RBL1: variants seen among roughly 807,000 people sequenced by gnomAD.
RBL1 encodes RB transcriptional corepressor like 1.
A neutral mutation model predicts 123.0 loss-of-function variants in RBL1; 82 were observed. That is an observed-to-expected ratio of 0.67 (90% CI 0.56 to 0.80). RBL1 has a LOEUF of 0.80. Among genes scored for constraint, RBL1 ranks in the 30% least tolerant of loss-of-function variants. The pLI is 0.00. For missense variants in RBL1, 1,171 were observed against 1,299.6 expected (o/e 0.90, Z 1.52); for synonymous variants, 405 against 441.3 (o/e 0.92, Z 1.03).
chr20:36,999,449 T>C (rs939821866), intron 21 of RBL1, among the ~76,000 whole-genome samples: 83 of 132,184 alleles, frequency 6.3e-4, no homozygotes, highest in Non-Finnish European at 1.2e-3. Flanking sequence ...CTCTCCCTCC[T>C]CTCCCTCCCT....
chr20:37,010,874 G>T (rs188977443), intron 19 of RBL1, among the ~76,000 whole-genome samples: 1 of 152,172 alleles, frequency 6.6e-6, no homozygotes, highest in East Asian at 1.9e-4. Context: ...GAAGTGCAGT[G>T]GTGCAATCAT....
rs1372104239 is a variant in RBL1 at position 37,006,861 on chromosome 20, C to CA, written c.2871+549dup. ...CTCAAAAAAAAAAAAAAAAAGAAAACAAAAAAAACAAATTAGTTGTTTTAA... is the reference window on the plus strand; with the variant it reads ...CTCAAAAAAAAAAAAAAAAAGAAAACAAAAAAAAACAAATTAGTTGTTTTAA... On this transcript the variant is annotated intron_variant, in intron 20 of 21. Coordinates refer to ENST00000373664, the MANE Select transcript of RBL1 (RefSeq NM_002895.5). 5.4e-3 allele frequency among the ~76,000 whole-genome samples: 769 copies of CA among 142,398 alleles called. 7 individuals are homozygous for CA. The highest frequency in any genetic ancestry group is 0.019 in the African/African-American group (725 of 39,090). The allele number at this position is 142,398 out of a possible 152,430, so 93.4% of individuals were successfully genotyped here. A position where few individuals can be genotyped will look rare whatever the true frequency, so the allele number is the denominator to read the frequency against.
rs1181075512 is a variant in RBL1 at position 37,007,458 on chromosome 20, C to G, written c.2824G>C (p.Val942Leu). The G allele has an allele frequency of 6.2e-7, 1 of 1,613,910 alleles. No individual in the cohort carries two copies. The highest frequency in any genetic ancestry group is 8.5e-7 in the Non-Finnish European group (1 of 1,179,894). Residue 942 changes from valine to leucine, a missense_variant, in exon 20 of 22, where the codon GTG becomes CTG. Val to Leu is a conservative substitution (Grantham distance 32). Coordinates refer to ENST00000373664, the MANE Select transcript of RBL1 (RefSeq NM_002895.5). ...KFYNTIYVGRVKSFALKYDLA... is the reference protein window; with the variant it reads ...KFYNTIYVGRLKSFALKYDLA... ...TCGTATTTCAGTGCAAATGACTTCACTCTTCCTACATATATTGTATTGTAA... is the reference window on the plus strand; with the variant it reads ...TCGTATTTCAGTGCAAATGACTTCAGTCTTCCTACATATATTGTATTGTAA...
Position 36,998,862 on chromosome 20 carries a change from A to G in RBL1, c.3104T>C (p.Ile1035Thr), listed in dbSNP as rs761259890. 6.2e-7 allele frequency: 1 copy of G among 1,613,308 alleles called. No homozygotes were observed. The highest frequency in any genetic ancestry group is 1.1e-5 in the South Asian group (1 of 91,058). The change falls in exon 22 of 22, where the codon ATC (isoleucine) becomes ACC (threonine). Residue 1035 changes from isoleucine to threonine, a missense_variant. By Grantham distance (89) the Ile-to-Thr change is moderately conservative. Coordinates refer to ENST00000373664, the MANE Select transcript of RBL1 (RefSeq NM_002895.5). ...EQRTKKRVIA[I>T]DSDAESPAKR... Reference sequence around the variant, plus strand: ...GGCAGGGGATTCTGCATCACTATCGATGGCTATTACTCGCTTCTTGGTTCT... The same window carrying G: ...GGCAGGGGATTCTGCATCACTATCGGTGGCTATTACTCGCTTCTTGGTTCT...
At chr20:37,090,159 ATAGTTGCC>A (rs1324816001) in intron 1 of RBL1, among the ~76,000 whole-genome samples, 1 of 152,226 alleles carries the variant, frequency 6.6e-6, no homozygotes, top group Non-Finnish European at 1.5e-5. Flanking sequence ...ACTCACCATT[ATAGTTGCC>A]TATAGTGTTC....
At chr20:37,004,858 C>T (rs929275818) in intron 20 of RBL1, among the ~76,000 whole-genome samples, 5 of 150,770 alleles carry the variant, frequency 3.3e-5, no homozygotes, top group Admixed American at 6.6e-5. Flanking sequence ...TGAAACCCCA[C>T]TTCAGCCTCC....
At chr20:37,095,710 G>A (rs2065725095) in intron 1 of RBL1, 63 bp downstream of exon 1, 6 of 1,425,758 alleles carry the variant, frequency 4.2e-6, no homozygotes, top group East Asian at 2.5e-5. Flanking sequence ...GCCGAGGAAG[G>A]GGCGGGGCAG....
rs561617637 is a variant in RBL1, at chr20:37,009,952, G to T, written c.2723-2393C>A. 1.4e-3 allele frequency among the ~76,000 whole-genome samples: 219 copies of T among 151,974 alleles called. 1 individual carries two copies. Among genetic ancestry groups the T allele is most frequent in the African/African-American group, 5.1e-3 (211 of 41,474 alleles). On this transcript the variant is annotated intron_variant, in intron 19 of 21. Transcript: ENST00000373664. ...AGATGACAGGATCGCTTGAACCCAG[G>T]AAATCAAGGTTGCAGTGAGCTATGA...
At chr20:37,083,621 C>A (rs1600602965) in intron 2 of RBL1, among the ~76,000 whole-genome samples, 1 of 17,318 alleles carries the variant, frequency 5.8e-5, no homozygotes. Context: ...CCCGTCTCTA[C>A]TAAAAATACA....
chr20:37,091,644 T>G (rs2065647906), intron 1 of RBL1, among the ~76,000 whole-genome samples: 1 of 135,054 alleles, frequency 7.4e-6, no homozygotes, highest in African/African-American at 2.9e-5. Flanking sequence ...CCAGCAAGGG[T>G]GAAAGAACGA....
chr20:37,015,580 G>A (rs1225722348), intron 19 of RBL1, among the ~76,000 whole-genome samples: 4 of 151,922 alleles, frequency 2.6e-5, no homozygotes, highest in South Asian at 2.1e-4. Context: ...ACAGGCGCCC[G>A]CCACCACGCC....
At chr20:37,046,639 C>T (rs1345999001) in intron 12 of RBL1, among the ~76,000 whole-genome samples, 2 of 147,396 alleles carry the variant, frequency 1.4e-5, no homozygotes, top group Admixed American at 6.9e-5. Context: ...CAGAATTTTG[C>T]TCCTGTCGTC....
chr20:36,999,735 C>T (rs1275420314), intron 21 of RBL1, among the ~76,000 whole-genome samples: 1 of 152,244 alleles, frequency 6.6e-6, no homozygotes, highest in Non-Finnish European at 1.5e-5. Context: ...CGCGAGTGAT[C>T]CGCCAGCCTC....
At chr20:37,086,010 A>G (rs989297974) in intron 2 of RBL1, among the ~76,000 whole-genome samples, 3 of 152,068 alleles carry the variant, frequency 2.0e-5, no homozygotes, top group African/African-American at 7.2e-5. Flanking sequence ...CAGTGGCGCT[A>G]TCTCAGCTCA....
intron 17 of RBL1, chr20:37,021,851 G>A (rs73620254): frequency 5.4e-6 from 1 of 185,432 alleles, no homozygotes; most frequent in African/African-American, 2.4e-5. Flanking sequence ...CTTGAGTCCT[G>A]GTAACTAGTG....
At chr20:37,030,728 TC>T (rs2064494717) in intron 16 of RBL1, among the ~76,000 whole-genome samples, 1 of 151,676 alleles carries the variant, frequency 6.6e-6, no homozygotes. Flanking sequence ...GGTGGCATAT[TC>T]CTGTAGTCCC....
At chr20:37,043,207 C>A (rs1022328720) in intron 13 of RBL1, among the ~76,000 whole-genome samples, 3 of 150,262 alleles carry the variant, frequency 2.0e-5, no homozygotes, top group Non-Finnish European at 4.4e-5. Context: ...TGTGGCCAGG[C>A]GCGGTGGCTC....
chr20:37,087,515 A>G (rs1038224619), intron 2 of RBL1, among the ~76,000 whole-genome samples: 1 of 152,122 alleles, frequency 6.6e-6, no homozygotes, highest in African/African-American at 2.4e-5. Flanking sequence ...TGAGCTGAGG[A>G]GTTTGAGGCT....
At chr20:37,018,420 T>TA in intron 18 of RBL1, 51 bp from the exon 19 acceptor site, 5 of 1,541,118 alleles carry the variant, frequency 3.2e-6, no homozygotes, top group Non-Finnish European at 4.3e-6. Flanking sequence ...AGGTACAGGT[T>TA]AAACAAAATC....
Sources: allele counts gnomAD v4.1 joint callset (sites outside exome capture counted in the v4.1 genomes callset), GRCh38; gene constraint gnomAD v4.1.1; transcripts MANE v1.5; gene names NCBI Gene and HGNC (gene_info 2026-07-23, HGNC 2026-07-21).